RHOBTB3: variants seen among roughly 807,000 people sequenced by gnomAD.
RHOBTB3 encodes the protein rho-related BTB domain-containing protein 3.
RHOBTB3 carries 47 observed loss-of-function variants against 67.2 expected under a neutral mutation model. That is an observed-to-expected ratio of 0.70 (90% CI 0.55 to 0.89). RHOBTB3 has a LOEUF of 0.89. Among genes scored for constraint, RHOBTB3 ranks in the 40% least tolerant of loss-of-function variants. RHOBTB3 has a pLI of 0.00. For synonymous variants in RHOBTB3, 273 were observed against 274.2 expected (o/e 1.00, Z 0.04); for missense variants, 631 against 750.0 (o/e 0.84, Z 1.85).
At chr5:95,766,528 C>A (rs1745547447) in intron 7 of RHOBTB3, among the ~76,000 whole-genome samples, 1 of 150,148 alleles carries the variant, frequency 6.7e-6, no homozygotes, top group African/African-American at 2.5e-5. Flanking sequence ...ATTTCATCAT[C>A]ATTTGGGTAA....
At chr5:95,788,971 A>C in intron 11 of RHOBTB3, 113 bp downstream of exon 11, 1 of 644,982 alleles carries the variant, frequency 1.6e-6, no homozygotes, top group Non-Finnish European at 2.5e-6. Context: ...TCAATGTAAT[A>C]AATTTCTTGT....
Position 95,736,875 on chromosome 5 carries a change from G to T in RHOBTB3, c.229-14G>T, listed in dbSNP as rs766584139. ...ATAAGTAGACTAAAGATTGCTATTT[G>T]CATTTTGGTTTAGGACATATTTGAC... On this transcript the variant is annotated splice_polypyrimidine_tract_variant and intron_variant, in intron 2 of 11. Transcript: ENST00000379982. 5 of 1,541,632 alleles carry T rather than the reference G, an allele frequency of 3.2e-6. No homozygotes were observed. The highest frequency in any genetic ancestry group is 4.4e-6 in the Non-Finnish European group (5 of 1,140,884).
At chr5:95,719,088 A>T (rs1440455632) in intron 1 of RHOBTB3, among the ~76,000 whole-genome samples, 1 of 152,192 alleles carries the variant, frequency 6.6e-6, no homozygotes, top group Non-Finnish European at 1.5e-5. Flanking sequence ...TCATGAAGAC[A>T]TTGAGATCAT....
rs199501100 is a variant in RHOBTB3, at chr5:95,736,993, A to C, written c.333A>C (p.Val111=). Residue 111 remains valine, a synonymous_variant, in exon 3 of 12, where the codon GTA becomes GTC. Transcript: ENST00000379982. ...NVNDKFSFHE[V]KDNYIPVIKR... ...ATGACAAGTTTTCATTCCATGAAGT[A>C]AAGGATAATTATATTCCAGTGATAA... is the stretch of plus-strand genomic sequence containing the variant. 6.2e-7 allele frequency: 1 copy of C among 1,607,012 alleles called. No individual in the cohort carries two copies.
At chr5:95,778,764 T>C (rs886641315) in intron 8 of RHOBTB3, among the ~76,000 whole-genome samples, 1 of 152,258 alleles carries the variant, frequency 6.6e-6, no homozygotes, top group Admixed American at 6.5e-5. Flanking sequence ...TATTCTTTAT[T>C]AACTGCTGTA....
chr5:95,783,411 T>C (rs953619246), intron 9 of RHOBTB3, among the ~76,000 whole-genome samples: 3 of 151,184 alleles, frequency 2.0e-5, no homozygotes, highest in South Asian at 2.1e-4. Context: ...TGTGAGCCAC[T>C]GCGCCGGCCC....
intron 6 of RHOBTB3, among the ~76,000 whole-genome samples, chr5:95,757,662 C>T (rs892925154): frequency 2.6e-5 from 4 of 152,136 alleles, no homozygotes; most frequent in Non-Finnish European, 5.9e-5. Flanking sequence ...AGTTGCAGCA[C>T]GCAGATTTAT....
intron 6 of RHOBTB3, among the ~76,000 whole-genome samples, chr5:95,757,889 A>G (rs1344932079): frequency 6.6e-6 from 1 of 152,244 alleles, no homozygotes; most frequent in Non-Finnish European, 1.5e-5. Flanking sequence ...TTAGTACTAT[A>G]GATTTTGACG....
intron 7 of RHOBTB3, 76 bp downstream of exon 7, chr5:95,763,696 T>G: frequency 2.4e-6 from 2 of 847,320 alleles, no homozygotes; most frequent in Non-Finnish European, 3.9e-6. Flanking sequence ...AATATAAAAT[T>G]GAGTCGTTAG....
At chr5:95,786,556 T>C (rs1422365200) in intron 10 of RHOBTB3, among the ~76,000 whole-genome samples, 1 of 152,238 alleles carries the variant, frequency 6.6e-6, no homozygotes, top group Non-Finnish European at 1.5e-5. Context: ...GTTTAAACCC[T>C]ATCTGTTCAA....
Position 95,795,867 on chromosome 5 carries a change from T to C in RHOBTB3, c.*2693T>C, listed in dbSNP as rs939820984. The C allele has an allele frequency of 7.2e-5, 11 of 152,168 alleles. No homozygotes were observed. The highest frequency in any genetic ancestry group is 2.7e-4 in the African/African-American group (11 of 41,470). The allele number at this position is 152,168 out of a possible 1,614,324, so 9.4% of individuals were successfully genotyped here. On this transcript the variant is annotated 3_prime_UTR_variant, in exon 12 of 12. Transcript: ENST00000379982. ...ATGGGTAGTGCTTTGTGCTGGTTTC[T>C]GCTTCCATATATTTCCCAGTCATTT...
At position 95,769,597 on chromosome 5, in the gene RHOBTB3, A is replaced by T. The variant is rs1489106855; in HGVS notation, c.1282+1431A>T. On this transcript the variant is annotated intron_variant, in intron 8 of 11. Coordinates refer to ENST00000379982, the MANE Select transcript of RHOBTB3 (RefSeq NM_014899.4). ...GGGTTGTCATCACAGTAAACGGTGG[A>T]AAAACACTGAATGGTGCGTTAGAAT... The T allele has an allele frequency of 2.4e-5, 4 of 169,700 alleles. No individual in the cohort carries two copies. The East Asian group carries it at 7.2e-4, about 30-fold the overall frequency. 10.5% of individuals were successfully genotyped at this position (169,700 alleles called of 1,614,324 possible). A position where few individuals can be genotyped will look rare whatever the true frequency, so the allele number is the denominator to read the frequency against.
rs1356521564 is a variant in RHOBTB3 at position 95,780,378 on chromosome 5, C to T, written c.1409C>T (p.Thr470Ile). The change falls in exon 9 of 12, where the codon ACT becomes ATT. Residue 470 changes from threonine to isoleucine, a missense_variant. Transcript: ENST00000379982. The stretch of plus-strand genomic sequence containing the variant: ...CCCGTTTATGGTGTTTCCAAAGAGA[C>T]TTTCTTGTCATTTTTAGAATACCTG... The part of the protein sequence containing the change: ...LIPVYGVSKE[T>I]FLSFLEYLYT... 1.2e-6 allele frequency: 2 copies of T among 1,614,070 alleles called. No individual in the cohort carries two copies. Among genetic ancestry groups the T allele is most frequent in the South Asian group, 1.1e-5 (1 of 91,082 alleles).
intron 1 of RHOBTB3, among the ~76,000 whole-genome samples, chr5:95,718,882 C>A (rs1025125229): frequency 6.6e-6 from 1 of 152,098 alleles, no homozygotes; most frequent in African/African-American, 2.4e-5. Context: ...CAGGAGAGCA[C>A]AAGCAGGGAA....
Position 95,737,033 on chromosome 5 carries a change from T to C in RHOBTB3, c.373T>C (p.Ser125Pro), listed in dbSNP as rs753450088. 6.2e-7 allele frequency: 1 copy of C among 1,603,860 alleles called. No homozygotes were observed. The highest frequency in any genetic ancestry group is 8.5e-7 in the Non-Finnish European group (1 of 1,171,524). ...TCCAGTGATAAAAAGAGCATTAAAT[T>C]CAGTTCCAGTAATTATTGCTGCTGT... ...YIPVIKRALN[S>P]VPVIIAAVGT... The change falls in exon 3 of 12, where the codon TCA becomes CCA. Residue 125 changes from serine to proline, a missense_variant. Physicochemically the swap from Ser to Pro is moderately conservative, Grantham distance 74 (BLOSUM62 -1). Coordinates refer to ENST00000379982, the MANE Select transcript of RHOBTB3 (RefSeq NM_014899.4).
chr5:95,742,035 C>T (rs540152101), intron 3 of RHOBTB3, among the ~76,000 whole-genome samples: 2 of 152,278 alleles, frequency 1.3e-5, no homozygotes, highest in African/African-American at 4.8e-5. Flanking sequence ...TTAGCCCCTT[C>T]CTTATTTTCT....
intron 4 of RHOBTB3, 115 bp from the exon 5 acceptor site, chr5:95,752,124 C>T (rs760048109): frequency 4.3e-5 from 27 of 633,972 alleles, no homozygotes; most frequent in Middle Eastern, 7.4e-4. Flanking sequence ...CTAATGCATA[C>T]GTATAAATGG....
At chr5:95,765,747 C>T (rs565935960) in intron 7 of RHOBTB3, among the ~76,000 whole-genome samples, 1 of 152,158 alleles carries the variant, frequency 6.6e-6, no homozygotes, top group Non-Finnish European at 1.5e-5. Flanking sequence ...CTGCAAGCTC[C>T]GCCTCCCGGG....
At position 95,780,344 on chromosome 5, in the gene RHOBTB3, G is replaced by T; in HGVS notation, c.1375G>T (p.Val459Phe). The part of the protein sequence containing the change: ...FNGNYMEAKS[V>F]LIPVYGVSKE... ...TGGTAATTACATGGAAGCAAAGAGT[G>T]TCCTGATTCCCGTTTATGGTGTTTC... Residue 459 changes from valine to phenylalanine, a missense_variant, in exon 9 of 12, where the codon GTC becomes TTC. Coordinates refer to ENST00000379982, the MANE Select transcript of RHOBTB3 (RefSeq NM_014899.4). The T allele has an allele frequency of 1.2e-6, 2 of 1,613,870 alleles. No individual in the cohort carries two copies. The highest frequency in any genetic ancestry group is 1.7e-6 in the Non-Finnish European group (2 of 1,179,714).
Sources: gnomAD v4.1 joint callset for allele counts (sites outside exome capture counted in the v4.1 genomes callset) on GRCh38, gnomAD v4.1.1 for gene constraint, MANE v1.5 for transcripts, NCBI Gene and HGNC (gene_info 2026-07-23, HGNC 2026-07-21) for gene names.